The following NAALADL2 variants were observed in gnomAD, a reference collection of about 807,000 sequenced individuals.
NAALADL2 encodes the protein inactive N-acetylated-alpha-linked acidic dipeptidase-like protein 2.
A neutral mutation model predicts 87.2 loss-of-function variants in NAALADL2; 76 were observed. The ratio of observed to expected loss-of-function variants is 0.87; its 90% CI spans 0.72 to 1.05. The LOEUF (loss-of-function observed/expected upper bound fraction) is 1.05. NAALADL2 is among the 50% of genes least tolerant of loss of function. NAALADL2 has a pLI of 0.00. For synonymous variants in NAALADL2, 354 were observed against 331.0 expected, an observed-to-expected ratio of 1.07 and a Z score of -0.75; for missense variants, 1,089 against 945.8, an observed-to-expected ratio of 1.15 and a Z score of -1.99.
At chr3:174,802,809 A>G (rs1453380553) in intron 3 of NAALADL2, among the ~76,000 whole-genome samples, 1 of 152,150 alleles carries the variant, frequency 6.6e-6, no homozygotes, top group Non-Finnish European at 1.5e-5. Flanking sequence ...AAAGGACACA[A>G]ACTCACCCTT....
At chr3:174,960,759 G>A (rs1470897947) in intron 1 of NAALADL2, among the ~76,000 whole-genome samples, 1 of 151,848 alleles carries the variant, frequency 6.6e-6, no homozygotes, top group Non-Finnish European at 1.5e-5. Flanking sequence ...ACCAGTGCAG[G>A]GTATTATAAG....
chr3:175,274,469 CTAAA>C (rs1421153829), intron 4 of NAALADL2, among the ~76,000 whole-genome samples: 9 of 152,198 alleles, frequency 5.9e-5, no homozygotes, highest in Admixed American at 2.0e-4. Context: ...TATTCAGCAG[CTAAA>C]TAGTCAAATT....
intron 1 of NAALADL2, among the ~76,000 whole-genome samples, chr3:174,533,248 G>A (rs187730870): frequency 6.6e-5 from 10 of 151,858 alleles, no homozygotes; most frequent in Admixed American, 5.9e-4. Context: ...CTCTCATGGC[G>A]ACTGGCCAAG....
chr3:175,640,324 A>C (rs1729114447), intron 11 of NAALADL2, among the ~76,000 whole-genome samples: 1 of 152,172 alleles, frequency 6.6e-6, no homozygotes. Flanking sequence ...ACTTATGTTA[A>C]TTTATCAGCA....
intron 5 of NAALADL2, among the ~76,000 whole-genome samples, chr3:175,445,815 C>G (rs1720594833): frequency 6.6e-6 from 1 of 152,174 alleles, no homozygotes; most frequent in Non-Finnish European, 1.5e-5. Context: ...AACCCTTACA[C>G]TCTGATCTTA....
At chr3:174,943,424 A>T (rs976496927) in intron 1 of NAALADL2, among the ~76,000 whole-genome samples, 11 of 152,036 alleles carry the variant, frequency 7.2e-5, no homozygotes, top group African/African-American at 2.4e-4. Flanking sequence ...ACAGTTGCAG[A>T]CCTGTTCCCT....
At chr3:175,420,775 A>G (rs184316892) in intron 5 of NAALADL2, among the ~76,000 whole-genome samples, 6 of 152,154 alleles carry the variant, frequency 3.9e-5, no homozygotes, top group Admixed American at 3.3e-4. Flanking sequence ...ATTATTACAC[A>G]GTTATTTATT....
At chr3:174,728,756 A>G (rs940404187) in intron 2 of NAALADL2, among the ~76,000 whole-genome samples, 22 of 152,110 alleles carry the variant, frequency 1.4e-4, no homozygotes, top group Admixed American at 1.1e-3. Flanking sequence ...CAATCGGATT[A>G]TAACTTACAT....
Position 175,786,284 on chromosome 3 carries a change from C to A in NAALADL2, c.2190-16721C>A, listed in dbSNP as rs192162726. Among the ~76,000 whole-genome samples the A allele has an allele frequency of 2.9e-3, 439 of 152,032 alleles. 3 individuals are homozygous for A. The highest frequency in any genetic ancestry group is 6.0e-3 in the South Asian group (29 of 4,804). ...TTGGGGAAGTTCTCCTGGATAATATCCTGCAAAGTGTTTTCCAACTTGGTT... is the reference window on the plus strand; with the variant it reads ...TTGGGGAAGTTCTCCTGGATAATATACTGCAAAGTGTTTTCCAACTTGGTT... On this transcript the variant is annotated intron_variant, in intron 13 of 13. Transcript: ENST00000454872.
intron 1 of NAALADL2, among the ~76,000 whole-genome samples, chr3:174,957,224 G>T (rs757453444): frequency 6.6e-6 from 1 of 151,994 alleles, no homozygotes; most frequent in Non-Finnish European, 1.5e-5. Context: ...AGCCAGGAGA[G>T]AACTGCATCT....
intron 9 of NAALADL2, among the ~76,000 whole-genome samples, chr3:175,554,964 G>A (rs1457395066): frequency 1.3e-5 from 2 of 152,118 alleles, no homozygotes; most frequent in Admixed American, 6.5e-5. Flanking sequence ...TCTTGGCAAT[G>A]TAAATCTAAG....
chr3:175,274,208 G>T, intron 4 of NAALADL2, among the ~76,000 whole-genome samples: 1 of 152,070 alleles, frequency 6.6e-6, no homozygotes, highest in East Asian at 1.9e-4. Flanking sequence ...GTGTGCAGGG[G>T]AACTGCCCTT....
chr3:174,619,379 T>C (rs1720782661), intron 2 of NAALADL2, among the ~76,000 whole-genome samples: 1 of 151,944 alleles, frequency 6.6e-6, no homozygotes. Context: ...ATGCCAAGTT[T>C]TGTAAAACAT....
At chr3:175,522,304 T>A (rs986305553) in intron 9 of NAALADL2, among the ~76,000 whole-genome samples, 5 of 152,170 alleles carry the variant, frequency 3.3e-5, no homozygotes, top group African/African-American at 7.2e-5. Flanking sequence ...CTAACAAATA[T>A]TCGTTGAATG....
At chr3:175,042,757 T>C (rs994650398) in intron 1 of NAALADL2, among the ~76,000 whole-genome samples, 2 of 152,190 alleles carry the variant, frequency 1.3e-5, no homozygotes, top group Admixed American at 1.3e-4. Context: ...TCTATTCAGT[T>C]CCACTATGGT....
intron 9 of NAALADL2, among the ~76,000 whole-genome samples, chr3:175,516,069 T>C (rs1731791949): frequency 2.0e-5 from 3 of 152,228 alleles, no homozygotes; most frequent in Admixed American, 2.0e-4. Flanking sequence ...GCAATTACCA[T>C]TGACTAAACT....
chr3:175,299,333 C>T (rs1350386710), intron 4 of NAALADL2, among the ~76,000 whole-genome samples: 1 of 151,964 alleles, frequency 6.6e-6, no homozygotes, highest in African/African-American at 2.4e-5. Context: ...TGAAGAAAGT[C>T]AGTGGTAGCT....
At chr3:175,150,207 G>A (rs1249321981) in intron 2 of NAALADL2, among the ~76,000 whole-genome samples, 5 of 152,118 alleles carry the variant, frequency 3.3e-5, no homozygotes, top group Admixed American at 6.6e-5. Context: ...ATGTTTTGTT[G>A]CCTCAGTTTT....
At chr3:175,470,678 CA>C (rs138607748) in intron 8 of NAALADL2, among the ~76,000 whole-genome samples, 5 of 149,670 alleles carry the variant, frequency 3.3e-5, no homozygotes, top group Admixed American at 1.3e-4. Flanking sequence ...AATGCTTGCA[CA>C]AAAAAAAACA....
Sources: gnomAD v4.1 joint callset for allele counts (sites outside exome capture counted in the v4.1 genomes callset) on GRCh38, gnomAD v4.1.1 for gene constraint, MANE v1.5 for transcripts, NCBI Gene and HGNC (gene_info 2026-07-23, HGNC 2026-07-21) for gene names.